BRINP3: variants seen among roughly 807,000 people sequenced by gnomAD.
BRINP3 encodes the protein BMP/retinoic acid-inducible neural-specific protein 3.
Under a neutral mutation model 71.0 loss-of-function variants are expected in BRINP3, and 19 were observed. The ratio of observed to expected loss-of-function variants is 0.27; its 90% CI spans 0.19 to 0.39. The LOEUF is 0.39. Ranked by LOEUF, BRINP3 falls within the 10% of genes least tolerant of loss-of-function variation. The pLI, the probability that BRINP3 is intolerant of heterozygous loss-of-function variation, is 1.00. For missense variants in BRINP3, 959 were observed against 940.8 expected, an observed-to-expected ratio of 1.02 and a Z score of -0.25; for synonymous variants, 380 against 337.7, an observed-to-expected ratio of 1.13 and a Z score of -1.37.
intron 6 of BRINP3, among the ~76,000 whole-genome samples, chr1:190,170,396 A>G (rs1299959265): frequency 1.3e-5 from 2 of 152,164 alleles, no homozygotes; most frequent in Admixed American, 1.3e-4. Context: ...CTATGAATTA[A>G]GTATATATTT....
chr1:190,460,787 C>T (rs545331612), intron 1 of BRINP3, among the ~76,000 whole-genome samples: 15 of 152,284 alleles, frequency 9.9e-5, no homozygotes, highest in African/African-American at 3.6e-4. Context: ...ATACTTCCAT[C>T]TACTCAAATT....
At chr1:190,420,231 C>G (rs1009429392) in intron 2 of BRINP3, among the ~76,000 whole-genome samples, 2 of 151,934 alleles carry the variant, frequency 1.3e-5, no homozygotes, top group African/African-American at 2.4e-5. Context: ...ATTAAGTTTT[C>G]AATTGTCCCA....
chr1:190,258,432 C>T (rs1223952067), intron 4 of BRINP3, among the ~76,000 whole-genome samples: 1 of 150,960 alleles, frequency 6.6e-6, no homozygotes, highest in African/African-American at 2.4e-5. Flanking sequence ...AAAAAAACAA[C>T]AAAATACAGA....
intron 6 of BRINP3, among the ~76,000 whole-genome samples, chr1:190,214,534 C>A (rs1045734003): frequency 6.6e-6 from 1 of 151,974 alleles, no homozygotes; most frequent in Admixed American, 6.6e-5. Context: ...GGGAAAAAAG[C>A]CCTCCTTGAA....
intron 1 of BRINP3, among the ~76,000 whole-genome samples, chr1:190,457,432 A>G (rs557488516): frequency 6.6e-6 from 1 of 151,292 alleles, no homozygotes; most frequent in African/African-American, 2.4e-5. Context: ...TAACAGAGGG[A>G]GGCTCTGTCT....
chr1:190,223,526 C>T (rs928459087), intron 6 of BRINP3, among the ~76,000 whole-genome samples: 1 of 151,788 alleles, frequency 6.6e-6, no homozygotes, highest in African/African-American at 2.4e-5. Context: ...ATTATAAAGG[C>T]CATGTATGAC....
intron 2 of BRINP3, among the ~76,000 whole-genome samples, chr1:190,413,556 G>C (rs1672826174): frequency 6.6e-6 from 1 of 152,132 alleles, no homozygotes; most frequent in African/African-American, 2.4e-5. Flanking sequence ...AGGAGACAGA[G>C]ATTGGAGGGA....
intron 7 of BRINP3, among the ~76,000 whole-genome samples, chr1:190,106,134 T>G (rs2102262802): frequency 6.6e-6 from 1 of 152,016 alleles, no homozygotes; most frequent in Admixed American, 6.6e-5. Context: ...ATAGGAGCCA[T>G]CAGGCCTCTC....
intron 6 of BRINP3, among the ~76,000 whole-genome samples, chr1:190,165,455 T>TTTTG (rs1553252623): frequency 9.3e-6 from 1 of 107,114 alleles, no homozygotes; most frequent in Non-Finnish European, 2.0e-5. Flanking sequence ...TTTTTTTTTT[T>TTTTG]TTTTTTGTGT....
chr1:190,222,008 A>T (rs1656935023), intron 6 of BRINP3, among the ~76,000 whole-genome samples: 1 of 152,034 alleles, frequency 6.6e-6, no homozygotes, highest in African/African-American at 2.4e-5. Flanking sequence ...TGAACATATC[A>T]TCCAGACAGA....
intron 7 of BRINP3, among the ~76,000 whole-genome samples, chr1:190,153,202 C>A (rs1282438172): frequency 5.9e-5 from 9 of 152,012 alleles, no homozygotes; most frequent in Non-Finnish European, 1.2e-4. Context: ...ATCTTGGCTC[C>A]CTTGAATCGG....
chr1:190,279,628 G>A (rs776161843), intron 3 of BRINP3, among the ~76,000 whole-genome samples: 4 of 151,702 alleles, frequency 2.6e-5, no homozygotes, highest in Non-Finnish European at 4.4e-5. Flanking sequence ...TGCCTTAGCC[G>A]CCTATATTTT....
intron 2 of BRINP3, among the ~76,000 whole-genome samples, chr1:190,292,693 T>G (rs1018502823): frequency 6.6e-6 from 1 of 152,102 alleles, no homozygotes; most frequent in Non-Finnish European, 1.5e-5. Flanking sequence ...CTATTTTTGA[T>G]GGGAGAAATT....
At chr1:190,259,741 CAAAG>C (rs1256930879) in intron 4 of BRINP3, among the ~76,000 whole-genome samples, 1 of 151,842 alleles carries the variant, frequency 6.6e-6, no homozygotes, top group Non-Finnish European at 1.5e-5. Flanking sequence ...TAGAAAGTCT[CAAAG>C]AAGGCCAGGC....
chr1:190,121,193 T>C (rs1281861715), intron 7 of BRINP3, among the ~76,000 whole-genome samples: 1 of 152,196 alleles, frequency 6.6e-6, no homozygotes, highest in East Asian at 1.9e-4. Context: ...TATAGTTTAC[T>C]TGGTTAAGAG....
rs189817615 is a variant in BRINP3, at chr1:190,333,996, G to T, written c.237-52246C>A. On this transcript the variant is annotated intron_variant, in intron 2 of 7. Transcript: ENST00000367462. The stretch of plus-strand genomic sequence containing the variant: ...CTTCCAATAACTACTTAGTTGAGAT[G>T]CATTGCATCAAAATTTGCACAACGC... Among the ~76,000 whole-genome samples, 232 of 151,890 alleles carry T rather than the reference G, an allele frequency of 1.5e-3. 1 individual carries two copies. The highest frequency in any genetic ancestry group is 5.2e-3 in the African/African-American group (216 of 41,494).
chr1:190,166,663 G>A (rs1399227768), intron 6 of BRINP3, among the ~76,000 whole-genome samples: 1 of 152,100 alleles, frequency 6.6e-6, no homozygotes, highest in African/African-American at 2.4e-5. Flanking sequence ...ATGGTTAGTT[G>A]GTTAGTTCCA....
intron 1 of BRINP3, among the ~76,000 whole-genome samples, chr1:190,458,343 T>C (rs979374918): frequency 3.3e-5 from 5 of 152,112 alleles, no homozygotes; most frequent in African/African-American, 1.2e-4. Flanking sequence ...CCAATAAAGT[T>C]ATACTGAAAT....
intron 7 of BRINP3, among the ~76,000 whole-genome samples, chr1:190,107,124 A>G (rs903706794): frequency 1.3e-4 from 20 of 152,078 alleles, no homozygotes; most frequent in African/African-American, 4.8e-4. Context: ...TTAGATTTGT[A>G]TTGCCAAGCT....
Sources: gnomAD v4.1 joint callset for allele counts (sites outside exome capture counted in the v4.1 genomes callset) on GRCh38, gnomAD v4.1.1 for gene constraint, MANE v1.5 for transcripts, NCBI Gene and HGNC (gene_info 2026-07-23, HGNC 2026-07-21) for gene names.